RB1CC1: variants seen among roughly 807,000 people sequenced by gnomAD.
RB1CC1 encodes the protein RB1 inducible coiled-coil 1.
Under a neutral mutation model 177.5 loss-of-function variants are expected in RB1CC1, and 46 were observed. The observed-to-expected ratio is 0.26, with a 90% CI of 0.20 to 0.33. The LOEUF is 0.33. Among genes scored for constraint, RB1CC1 ranks in the 10% least tolerant of loss-of-function variants. The probability of loss-of-function intolerance (pLI) is 1.00; values close to 1 mark genes in which losing one functional copy is unlikely to be tolerated. For synonymous variants in RB1CC1, 666 were observed against 613.6 expected (o/e 1.09, Z -1.26); for missense variants, 1,703 against 1,816.3 (o/e 0.94, Z 1.13).
In RB1CC1 at chr8:52,623,591, G is replaced by GC; in HGVS notation, c.*190dup. 3.2e-6 allele frequency: 2 copies of GC among 615,536 alleles called. No individual in the cohort carries two copies. Among genetic ancestry groups the GC allele is most frequent in the Non-Finnish European group, 6.0e-6 (2 of 334,978 alleles). The allele number at this position is 615,536 out of a possible 1,614,324, so 38.1% of individuals were successfully genotyped here. A position where few individuals can be genotyped will look rare whatever the true frequency, so the allele number is the denominator to read the frequency against. Reference sequence around the variant, plus strand: ...AAAAAACAAAAACCATTTTAATTCAGCCAAGGATTCTGATGAATTTATTAT... The same window carrying GC: ...AAAAAACAAAAACCATTTTAATTCAGCCCAAGGATTCTGATGAATTTATTAT... On this transcript the variant is annotated 3_prime_UTR_variant, in exon 24 of 24. Transcript: ENST00000025008.
intron 7 of RB1CC1, among the ~76,000 whole-genome samples, chr8:52,669,295 A>G (rs1253264640): frequency 6.6e-6 from 1 of 152,188 alleles, no homozygotes; most frequent in Admixed American, 6.5e-5. Flanking sequence ...CATCTTTTCA[A>G]GCTGAAATGT....
Position 52,657,798 on chromosome 8 carries a change from C to T in RB1CC1, c.2031G>A (p.Gln677=), listed in dbSNP as rs2150482477. The T allele has an allele frequency of 6.2e-7, 1 of 1,613,526 alleles. No individual in the cohort carries two copies. The highest frequency in any genetic ancestry group is 2.2e-5 in the East Asian group (1 of 44,822). ...GACAAACTGCAGGACATAAGGGATC[C>T]TGAACAGTCAGTGGTGGAGGAGTTC... The part of the protein sequence containing the change: ...SPRTPPPLTV[Q]DPLCPAVCPL... Residue 677 remains glutamine (Q), a synonymous_variant, in exon 15 of 24, where the codon CAG becomes CAA. Transcript: ENST00000025008.
chr8:52,680,841 A>G (rs1853630440), intron 5 of RB1CC1, among the ~76,000 whole-genome samples: 1 of 152,202 alleles, frequency 6.6e-6, no homozygotes, highest in African/African-American at 2.4e-5. Context: ...ATTCAAAAAG[A>G]GACCAAGTAA....
chr8:52,657,404 G>C lies in RB1CC1; in HGVS notation c.2425C>G (p.His809Asp), dbSNP rs752436431. 1 of 1,613,962 alleles carries C rather than the reference G, an allele frequency of 6.2e-7. No individual in the cohort carries two copies. The highest frequency in any genetic ancestry group is 8.5e-7 in the Non-Finnish European group (1 of 1,179,990). Reference protein sequence around the residue: ...ERCRVVAQDSHFSIQTIKEDL... With the variant: ...ERCRVVAQDSDFSIQTIKEDL... ...TCCTTAATGGTTTGTATACTGAAGT[G>C]AGAGTCTTGGGCAACAACTCTACAT... Residue 809 changes from histidine to aspartate, a missense_variant, in exon 15 of 24, where the codon CAC (histidine) becomes GAC (aspartate). By Grantham distance (81) the His-to-Asp change is moderately conservative (BLOSUM62 -1). This residue lies in a region of RB1CC1 where 1,169 missense variants were observed against 1,184.7 expected (regional missense o/e 0.99). Transcript: ENST00000025008.
At chr8:52,637,434 C>T (rs1026763383) in intron 18 of RB1CC1, among the ~76,000 whole-genome samples, 2 of 152,072 alleles carry the variant, frequency 1.3e-5, no homozygotes, top group Non-Finnish European at 2.9e-5. Context: ...AACCCCTAGG[C>T]TCAAGGGATC....
chr8:52,651,993 A>C (rs1464352043), intron 15 of RB1CC1, among the ~76,000 whole-genome samples: 4 of 152,172 alleles, frequency 2.6e-5, no homozygotes, highest in Admixed American at 6.5e-5. Flanking sequence ...TTTAGTAACA[A>C]AGAAGAATAT....
At chr8:52,641,778 G>A (rs908825540) in intron 18 of RB1CC1, among the ~76,000 whole-genome samples, 4 of 152,048 alleles carry the variant, frequency 2.6e-5, no homozygotes, top group Admixed American at 6.6e-5. Context: ...TACTTGCAAC[G>A]TCCTTTGGAG....
Position 52,673,988 on chromosome 8 carries a change from G to T in RB1CC1, c.859C>A (p.His287Asn), listed in dbSNP as rs1467252383. The T allele has an allele frequency of 6.2e-7, 1 of 1,614,034 alleles. No homozygotes were observed. The highest frequency in any genetic ancestry group is 8.5e-7 in the Non-Finnish European group (1 of 1,180,032). ...EIRESCQSTVHQQDETTIDTK... is the reference protein window; with the variant it reads ...EIRESCQSTVNQQDETTIDTK... ...TCAATCGTAGTTTCATCTTGCTGATGAACAGTACTTTGACAAGATTCCCTA... is the reference window on the plus strand; with the variant it reads ...TCAATCGTAGTTTCATCTTGCTGATTAACAGTACTTTGACAAGATTCCCTA... Residue 287 changes from histidine to asparagine, a missense_variant, in exon 7 of 24, where the codon CAT becomes AAT. By Grantham distance (68) the His-to-Asn change is moderately conservative. This residue lies in a region of RB1CC1 where 315 missense variants were observed against 304.9 expected (regional missense o/e 1.03). Transcript: ENST00000025008.
chr8:52,671,455 G>T (rs946087995), intron 7 of RB1CC1, among the ~76,000 whole-genome samples: 2 of 152,152 alleles, frequency 1.3e-5, no homozygotes, highest in African/African-American at 4.8e-5. Flanking sequence ...TTAATAAAAT[G>T]AGAGTAAAAA....
At chr8:52,635,023 C>T (rs1590924721) in intron 19 of RB1CC1, 55 bp from the exon 20 acceptor site, 1 of 1,473,608 alleles carries the variant, frequency 6.8e-7, no homozygotes, top group East Asian at 2.4e-5. Flanking sequence ...TCAAATAAAT[C>T]TAAACAGTGA....
chr8:52,636,417 G>A (rs1481330725), intron 18 of RB1CC1, among the ~76,000 whole-genome samples: 1 of 152,078 alleles, frequency 6.6e-6, no homozygotes, highest in Non-Finnish European at 1.5e-5. Flanking sequence ...GACTTCAGTA[G>A]ATTTACTAAG....
intron 1 of RB1CC1, among the ~76,000 whole-genome samples, chr8:52,701,910 A>C (rs1267008402): frequency 6.6e-6 from 1 of 151,934 alleles, no homozygotes; most frequent in African/African-American, 2.4e-5. Flanking sequence ...GGGTTCAAGC[A>C]ATTCTCCCTG....
chr8:52,660,304 A>C (rs918723733), intron 12 of RB1CC1, among the ~76,000 whole-genome samples: 1 of 152,084 alleles, frequency 6.6e-6, no homozygotes, highest in African/African-American at 2.4e-5. Flanking sequence ...GGTGGAAAGA[A>C]AAAAAGGAAG....
In RB1CC1 at chr8:52,656,179, T is replaced by C. The variant is rs1851065935; in HGVS notation, c.3650A>G (p.Gln1217Arg). The C allele has an allele frequency of 6.2e-7, 1 of 1,613,852 alleles. No individual in the cohort carries two copies. The highest frequency in any genetic ancestry group is 8.5e-7 in the Non-Finnish European group (1 of 1,179,882). Reference protein sequence around the residue: ...AIIQNLEKDRQKLVSSQEQDR... With the variant: ...AIIQNLEKDRRKLVSSQEQDR... ...TTGCTCCTGGCTGCTGACCAATTTT[T>C]GTCTGTCTTTCTCAAGGTTCTGGAT... The change falls in exon 15 of 24, where the codon CAA becomes CGA. Residue 1217 changes from glutamine (Q) to arginine (R), a missense_variant. By Grantham distance (43) the Gln-to-Arg change is conservative. Transcript: ENST00000025008.
chr8:52,644,517 T>A (rs1849841944), intron 16 of RB1CC1, among the ~76,000 whole-genome samples: 1 of 152,144 alleles, frequency 6.6e-6, no homozygotes, highest in Non-Finnish European at 1.5e-5. Context: ...AATCTATAAA[T>A]CCAGATTCTT....
chr8:52,682,477 A>G (rs1190145275), intron 5 of RB1CC1, among the ~76,000 whole-genome samples: 2 of 152,186 alleles, frequency 1.3e-5, no homozygotes, highest in Non-Finnish European at 2.9e-5. Flanking sequence ...TTTAAATATG[A>G]TGCATTAAAA....
chr8:52,684,090 A>C, intron 3 of RB1CC1, 77 bp from the exon 4 acceptor site: 1 of 1,473,704 alleles, frequency 6.8e-7, no homozygotes, highest in Non-Finnish European at 9.0e-7. Flanking sequence ...TACTATGTAA[A>C]AACACCTTAG....
chr8:52,703,976 T>TA (rs1377213477), intron 1 of RB1CC1, among the ~76,000 whole-genome samples: 1 of 152,212 alleles, frequency 6.6e-6, no homozygotes, highest in Non-Finnish European at 1.5e-5. Flanking sequence ...CATACTCCTA[T>TA]ATGCTATCAA....
At chr8:52,699,971 T>C (rs537945829) in intron 1 of RB1CC1, among the ~76,000 whole-genome samples, 76 of 151,154 alleles carry the variant, frequency 5.0e-4, no homozygotes, top group Non-Finnish European at 9.9e-4. Flanking sequence ...GCAAGTCAAT[T>C]TTATAAAAGG....
Sources: gnomAD v4.1 joint callset for allele counts (sites outside exome capture counted in the v4.1 genomes callset) on GRCh38, gnomAD v4.1.1 for gene constraint, gnomAD v4.1.1 regional missense constraint, MANE v1.5 for transcripts, NCBI Gene and HGNC (gene_info 2026-07-23, HGNC 2026-07-21) for gene names.